Variants in GATA4 observed in about 807,000 individuals in gnomAD.
GATA4 encodes GATA binding protein 4.
Under a neutral mutation model 37.9 loss-of-function variants are expected in GATA4, and 7 were observed. The ratio of observed to expected loss-of-function variants is 0.18; its 90% confidence interval spans 0.11 to 0.35. The LOEUF is 0.35. Among genes scored for constraint, GATA4 ranks in the 10% least tolerant of loss-of-function variants. The pLI, the probability that GATA4 is intolerant of heterozygous loss-of-function variation, is 1.00. For missense variants in GATA4, 647 were observed against 653.0 expected, an observed-to-expected ratio of 0.99 and a Z score of 0.10; for synonymous variants, 372 against 292.6, an observed-to-expected ratio of 1.27 and a Z score of -2.77.
intron 2 of GATA4, among the ~76,000 whole-genome samples, chr8:11,725,608 A>AG (rs1800882768): frequency 6.6e-6 from 1 of 152,322 alleles, no homozygotes; most frequent in East Asian, 1.9e-4. Context: ...TCTTGGTCTT[A>AG]GTGGGGATGG....
rs531884929 is a variant in GATA4 at position 11,729,547 on chromosome 8, CTG to C, written c.617-19365_617-19364del. Among the ~76,000 whole-genome samples the C allele has an allele frequency of 7.3e-5, 9 of 123,580 alleles. No individual in the cohort carries two copies. In the South Asian group the frequency reaches 2.4e-3, roughly 33 times the overall value. The allele number at this position is 123,580 out of a possible 152,430, so 81.1% of individuals were successfully genotyped here. A position where few individuals can be genotyped will look rare whatever the true frequency, so the allele number is the denominator to read the frequency against. ...CTCCAGCCTGGGCAACAGTGCGAGA[CTG>C]TGTCTCAAAAAAAAAAAAAATGCAG... is the stretch of plus-strand genomic sequence containing the variant. On this transcript the variant is annotated intron_variant, in intron 2 of 6. Transcript: ENST00000532059.
chr8:11,694,711 A>G (rs1374979942), intron 1 of GATA4, among the ~76,000 whole-genome samples: 2 of 152,226 alleles, frequency 1.3e-5, no homozygotes, highest in Non-Finnish European at 2.9e-5. Flanking sequence ...TGACGAAATT[A>G]AAATCAGTGA....
intron 2 of GATA4, among the ~76,000 whole-genome samples, chr8:11,721,064 G>C (rs1304051149): frequency 6.6e-6 from 1 of 151,888 alleles, no homozygotes; most frequent in East Asian, 1.9e-4. Flanking sequence ...AAGTGTCTCC[G>C]AATCCCAGCA....
chr8:11,690,855 G>A (rs4377925), upstream of GATA4, among the ~76,000 whole-genome samples: 141,437 of 152,272 alleles, frequency 0.93, 66,428 homozygotes, highest in East Asian at 1. Context: ...TGGGTGAAAG[G>A]GAAACACCCT....
chr8:11,702,879 C>T (rs929226014), upstream of GATA4, among the ~76,000 whole-genome samples: 1 of 152,230 alleles, frequency 6.6e-6, no homozygotes, highest in African/African-American at 2.4e-5. This position sits in a 1 kb window ranked among gnomAD's most constrained non-coding sequence, Gnocchi z 4.4. Flanking sequence ...GAAGAGAATT[C>T]CCCGCGCAGC....
chr8:11,750,770 T>TTAAA (rs1802264971), intron 4 of GATA4, among the ~76,000 whole-genome samples: 1 of 88,802 alleles, frequency 1.1e-5, no homozygotes, highest in African/African-American at 4.8e-5. Flanking sequence ...TTGTCTCTAC[T>TTAAA]AAAAAAAAAA....
chr8:11,681,647 C>A (rs1047223398), intron 1 of GATA4, among the ~76,000 whole-genome samples: 3 of 152,186 alleles, frequency 2.0e-5, no homozygotes, highest in African/African-American at 7.2e-5. Flanking sequence ...TTTCTTGTCT[C>A]CTCCTTGCCT....
intron 1 of GATA4, among the ~76,000 whole-genome samples, chr8:11,686,216 GTTT>G (rs59033070): frequency 6.9e-6 from 1 of 144,828 alleles, no homozygotes; most frequent in Non-Finnish European, 1.5e-5. Context: ...TACTGGGTCT[GTTT>G]TTTTTTTTTT....
intron 2 of GATA4, among the ~76,000 whole-genome samples, chr8:11,723,966 G>A (rs910555287): frequency 1.3e-5 from 2 of 152,076 alleles, no homozygotes; most frequent in South Asian, 2.1e-4. Context: ...ATTAAATAAC[G>A]TCTCCGTATC....
chr8:11,681,360 C>T (rs1252892709), intron 1 of GATA4: 1 of 985,356 alleles, frequency 1.0e-6, no homozygotes. Flanking sequence ...AGCACTCGTC[C>T]CCCTAGGTCT....
chr8:11,691,935 C>A (rs949888593), upstream of GATA4: 23 of 856,180 alleles, frequency 2.7e-5, 1 homozygote, highest in Admixed American at 1.4e-3. Flanking sequence ...AAATCAAAAA[C>A]CACTTCAGAC....
chr8:11,686,430 C>T (rs1799136956), intron 1 of GATA4, among the ~76,000 whole-genome samples: 1 of 151,876 alleles, frequency 6.6e-6, no homozygotes, highest in South Asian at 2.1e-4. Flanking sequence ...TTGAGGTTGG[C>T]CTTCGTTGGT....
At chr8:11,755,798 C>G (rs1040899403) in intron 5 of GATA4, among the ~76,000 whole-genome samples, 1 of 151,856 alleles carries the variant, frequency 6.6e-6, no homozygotes, top group Admixed American at 6.6e-5. Flanking sequence ...TACCACTCTG[C>G]CTTCTTAATT....
intron 2 of GATA4, among the ~76,000 whole-genome samples, chr8:11,733,412 A>C (rs1405327083): frequency 6.6e-6 from 1 of 152,236 alleles, no homozygotes; most frequent in African/African-American, 2.4e-5. Flanking sequence ...CTAGAGACAC[A>C]CTGGCACGGA....
chr8:11,716,302 G>A (rs1448257710), intron 2 of GATA4, among the ~76,000 whole-genome samples: 2 of 151,988 alleles, frequency 1.3e-5, no homozygotes, highest in Non-Finnish European at 2.9e-5. Flanking sequence ...CCTGAAAGTA[G>A]CATCTTTTTC....
chr8:11,693,562 CAGAGAG>C (rs139631153), intron 1 of GATA4, among the ~76,000 whole-genome samples: 949 of 72,118 alleles, frequency 0.013, 14 homozygotes, highest in East Asian at 0.069. Flanking sequence ...CACACACACA[CAGAGAG>C]AGAGAGAGAG....
intron 5 of GATA4, chr8:11,756,617 C>T (rs940165726): frequency 7.8e-5 from 34 of 434,076 alleles, no homozygotes; most frequent in African/African-American, 5.4e-4. Context: ...ATCTCAGGCC[C>T]TGCTGGAGGT....
In GATA4 at chr8:11,723,127, A is replaced by C. The variant is rs575069319; in HGVS notation, c.616+14199A>C. ...TTTGGGAGGCTGAGGCTGGAGGATC[A>C]TTTGAACCTAGGAGTTTGAAGCCAG... is the stretch of plus-strand genomic sequence containing the variant. On this transcript the variant is annotated intron_variant, in intron 2 of 6. Coordinates refer to ENST00000532059, the MANE Select transcript of GATA4 (RefSeq NM_001308093.3). 1.8e-3 allele frequency among the ~76,000 whole-genome samples: 279 copies of C among 152,214 alleles called. 1 individual carries two copies. The highest frequency in any genetic ancestry group is 6.4e-3 in the African/African-American group (267 of 41,542).
Position 11,709,853 on chromosome 8 carries a change from C to T in GATA4, c.616+925C>T, listed in dbSNP as rs1800093736. ...TGAGAAGGGGCCTGAGTACACGGGC[C>T]GGGGGAGAAAGGGAAGTGGCAACCC... On this transcript the variant is annotated intron_variant, in intron 2 of 6. Coordinates refer to ENST00000532059, the MANE Select transcript of GATA4 (RefSeq NM_001308093.3). This position sits in a 1 kb window ranked among gnomAD's most constrained non-coding sequence, Gnocchi z 4.3. Among the ~76,000 whole-genome samples the T allele has an allele frequency of 6.6e-6, 1 of 152,022 alleles. No homozygotes were observed. Among genetic ancestry groups the T allele is most frequent in the East Asian group, 1.9e-4 (1 of 5,170 alleles).
Sources: allele counts gnomAD v4.1 joint callset (sites outside exome capture counted in the v4.1 genomes callset), GRCh38; gene constraint gnomAD v4.1.1; non-coding constraint Gnocchi (gnomAD v3.1); transcripts MANE v1.5; gene names NCBI Gene and HGNC (gene_info 2026-07-23, HGNC 2026-07-21).